MPP4: variants seen among roughly 807,000 people sequenced by gnomAD.
MPP4 encodes MAGUK p55 subfamily member 4.
MPP4 carries 91 observed loss-of-function variants against 98.3 expected under a neutral mutation model. The observed-to-expected ratio is 0.93, with a 90% CI of 0.78 to 1.10. MPP4 has a LOEUF of 1.10. MPP4 is among the 50% of genes least tolerant of loss of function. MPP4 has a pLI of 0.00. For missense variants in MPP4, 744 were observed against 792.9 expected (o/e 0.94, Z 0.74); for synonymous variants, 261 against 271.8 (o/e 0.96, Z 0.39).
Position 201,650,897 on chromosome 2 carries a change from T to C in MPP4, c.1382-732A>G, listed in dbSNP as rs1687696155. On this transcript the variant is annotated intron_variant, in intron 18 of 21. Coordinates refer to ENST00000409474, the MANE Select transcript of MPP4 (RefSeq NM_033066.3). The stretch of plus-strand genomic sequence containing the variant: ...TTGATTACAGACTCTTCAACTTAAA[T>C]AGTGCCAGGTTGTATAGAATATAGG... 3 of 985,442 alleles carry C rather than the reference T, an allele frequency of 3.0e-6. No individual in the cohort carries two copies. The African/African-American group carries it at 5.2e-5, about 17-fold the overall frequency. The allele number at this position is 985,442 out of a possible 1,614,324, so 61.0% of individuals were successfully genotyped here.
chr2:201,661,534 C>T (rs944662228), intron 14 of MPP4: 5 of 456,404 alleles, frequency 1.1e-5, no homozygotes, highest in East Asian at 7.0e-5. Context: ...CCACAAGGGG[C>T]GTTTTACAGT....
intron 1 of MPP4, among the ~76,000 whole-genome samples, chr2:201,696,230 C>CT (rs1689177282): frequency 6.6e-6 from 1 of 152,202 alleles, no homozygotes; most frequent in Non-Finnish European, 1.5e-5. Flanking sequence ...CCTCCATCAC[C>CT]TACCTTGCCC....
rs556893788 is a variant in MPP4 at position 201,685,369 on chromosome 2, T to C, written c.493-224A>G. Among the ~76,000 whole-genome samples the C allele has an allele frequency of 3.3e-5, 5 of 152,328 alleles. No homozygotes were observed. The South Asian group carries it at 1.0e-3, about 32-fold the overall frequency. On this transcript the variant is annotated intron_variant, in intron 6 of 21. Transcript: ENST00000409474. Reference sequence around the variant, plus strand: ...AACCAGGGACGGAGGGGCCACACAGTGCCCTGTGGCCTGTCAGTCATAGCA... The same window carrying C: ...AACCAGGGACGGAGGGGCCACACAGCGCCCTGTGGCCTGTCAGTCATAGCA...
At chr2:201,668,908 G>A (rs1455485494) in intron 12 of MPP4, among the ~76,000 whole-genome samples, 1 of 152,104 alleles carries the variant, frequency 6.6e-6, no homozygotes, top group Non-Finnish European at 1.5e-5. Context: ...TTGCCCTCCT[G>A]TGTCATACAC....
chr2:201,669,376 T>G (rs1459958690), intron 12 of MPP4, among the ~76,000 whole-genome samples: 1 of 152,172 alleles, frequency 6.6e-6, no homozygotes, highest in Non-Finnish European at 1.5e-5. Flanking sequence ...TTAGGTAATA[T>G]GTATAAAGCA....
At chr2:201,682,714 C>T (rs1688699378) in intron 8 of MPP4, 117 bp downstream of exon 8, 1 of 790,038 alleles carries the variant, frequency 1.3e-6, no homozygotes, top group Non-Finnish European at 2.1e-6. Flanking sequence ...AGGGAGAAAG[C>T]TGCCAAGAGA....
At chr2:201,660,462 C>G in intron 14 of MPP4, 116 bp from the exon 15 acceptor site, 1 of 1,097,542 alleles carries the variant, frequency 9.1e-7, no homozygotes, top group South Asian at 1.3e-5. Flanking sequence ...TCACCACTAG[C>G]AAAAGGTAAC....
intron 5 of MPP4, 117 bp downstream of exon 5, chr2:201,687,174 G>A (rs547035126): frequency 1.2e-5 from 10 of 835,142 alleles, no homozygotes; most frequent in African/African-American, 3.4e-5. Flanking sequence ...GTCAGTAACC[G>A]TGTACAGTAA....
chr2:201,654,292 T>A (rs920785815), intron 18 of MPP4, among the ~76,000 whole-genome samples: 5 of 152,180 alleles, frequency 3.3e-5, no homozygotes, highest in African/African-American at 9.7e-5. Context: ...CACCATTTTT[T>A]AAAAAGCTGT....
At chr2:201,658,369 C>T (rs1038713483) in intron 16 of MPP4, 108 bp downstream of exon 16, 1 of 820,776 alleles carries the variant, frequency 1.2e-6, no homozygotes, top group Non-Finnish European at 1.9e-6. Flanking sequence ...GAATGAGGAA[C>T]AGGTCTGGAA....
chr2:201,681,973 C>A (rs985431642), intron 8 of MPP4, among the ~76,000 whole-genome samples: 1 of 152,078 alleles, frequency 6.6e-6, no homozygotes, highest in African/African-American at 2.4e-5. Flanking sequence ...CACCAGATAC[C>A]CCAGTCTGAT....
chr2:201,681,110 TCATGACTTAAAAC>T (rs1688653749), intron 9 of MPP4, 76 bp from the exon 10 acceptor site: 3 of 1,446,374 alleles, frequency 2.1e-6, no homozygotes, highest in Non-Finnish European at 1.9e-6. Flanking sequence ...CCATGGGCCA[TCATGACTTAAAAC>T]CATTTCTCCC....
At chr2:201,654,765 C>A in intron 18 of MPP4, 72 bp downstream of exon 18, 1 of 999,948 alleles carries the variant, frequency 1.0e-6, no homozygotes, top group South Asian at 1.6e-5. Context: ...GATGGAATGA[C>A]ATAGTTAAAT....
intron 7 of MPP4, among the ~76,000 whole-genome samples, chr2:201,684,739 G>A (rs1406272141): frequency 5.9e-5 from 9 of 151,886 alleles, no homozygotes; most frequent in South Asian, 4.2e-4. Flanking sequence ...TCACGAGGTC[G>A]GGAGATTGAG....
chr2:201,647,934 T>A, intron 20 of MPP4, 109 bp from the exon 21 acceptor site: 1 of 1,072,152 alleles, frequency 9.3e-7, no homozygotes, highest in Non-Finnish European at 1.3e-6. Flanking sequence ...CAGTTCACTG[T>A]AGCCTCAGCT....
intron 11 of MPP4, among the ~76,000 whole-genome samples, chr2:201,670,340 T>C (rs1392341997): frequency 1.3e-5 from 2 of 152,168 alleles, no homozygotes; most frequent in Non-Finnish European, 2.9e-5. Context: ...ATAATATTAA[T>C]TGAAGGATCA....
intron 11 of MPP4, among the ~76,000 whole-genome samples, chr2:201,673,030 G>A (rs1011261935): frequency 3.9e-5 from 6 of 152,114 alleles, no homozygotes; most frequent in Non-Finnish European, 7.3e-5. Context: ...CAATCAAGTT[G>A]GCTTCATCCC....
intron 18 of MPP4, chr2:201,651,870 C>A: frequency 2.6e-6 from 1 of 381,550 alleles, no homozygotes; most frequent in Non-Finnish European, 3.6e-6. Context: ...AGGAGAATTG[C>A]TTGAACCCAG....
chr2:201,673,304 C>G (rs1419670658), intron 11 of MPP4, among the ~76,000 whole-genome samples: 1 of 152,134 alleles, frequency 6.6e-6, no homozygotes, highest in Non-Finnish European at 1.5e-5. Context: ...TCATTCCCAG[C>G]AAACTAAGAC....
Sources: gnomAD v4.1 joint callset for allele counts (sites outside exome capture counted in the v4.1 genomes callset) on GRCh38, gnomAD v4.1.1 for gene constraint, MANE v1.5 for transcripts, NCBI Gene and HGNC (gene_info 2026-07-23, HGNC 2026-07-21) for gene names.